Variants in THRB observed in about 807,000 individuals in gnomAD.
The protein encoded by THRB is nuclear receptor subfamily 1 group A member 2.
THRB carries 12 observed loss-of-function variants against 47.8 expected under a neutral mutation model. That is an observed-to-expected ratio of 0.25 (90% CI 0.16 to 0.41). The LOEUF (loss-of-function observed/expected upper bound fraction) is 0.41. THRB is among the 10% of genes least tolerant of loss of function. The probability of loss-of-function intolerance (pLI) is 1.00; values close to 1 mark genes in which losing one functional copy is unlikely to be tolerated. For synonymous variants in THRB, 218 were observed against 212.2 expected (o/e 1.03, Z -0.24); for missense variants, 348 against 589.2 (o/e 0.59, Z 4.24).
chr3:24,285,491 G>A (rs2055178733), intron 3 of THRB, among the ~76,000 whole-genome samples: 1 of 150,328 alleles, frequency 6.7e-6, no homozygotes, highest in African/African-American at 2.5e-5. Flanking sequence ...TAGAGGACGA[G>A]TTAGTGGGTG....
At chr3:24,213,529 A>G (rs2149891017) in intron 4 of THRB, among the ~76,000 whole-genome samples, 1 of 152,300 alleles carries the variant, frequency 6.6e-6, no homozygotes, top group East Asian at 1.9e-4. Context: ...GAGGGTAGAG[A>G]AGAACCACAT....
intron 1 of THRB, among the ~76,000 whole-genome samples, chr3:24,383,673 A>G (rs2065874751): frequency 1.3e-5 from 2 of 152,124 alleles, no homozygotes; most frequent in African/African-American, 4.8e-5. Context: ...TGACAACTCA[A>G]TTCAGTTCTA....
chr3:24,446,572 A>T (rs1168214093), intron 1 of THRB, among the ~76,000 whole-genome samples: 1 of 89,190 alleles, frequency 1.1e-5, no homozygotes, highest in African/African-American at 3.6e-5. Context: ...AAAAAAAAAA[A>T]AAAAGAAAGA....
chr3:24,133,715 G>GAGAGAC (rs2034226435), intron 8 of THRB, among the ~76,000 whole-genome samples: 1 of 151,896 alleles, frequency 6.6e-6, no homozygotes, highest in Non-Finnish European at 1.5e-5. Context: ...GAGAGAGAGA[G>GAGAGAC]AGAGAGATCA....
rs549708689 is a variant in THRB at position 24,217,508 on chromosome 3, C to T, written c.22+11430G>A. ...TTGGCAGGTAAGATGTTTGAAAGCA[C>T]GGGGTTCAAGGGACGTGTGTGTTGG... On this transcript the variant is annotated intron_variant, in intron 4 of 10. Transcript: ENST00000646209. Among the ~76,000 whole-genome samples, 14 of 150,486 alleles carry T rather than the reference C, an allele frequency of 9.3e-5. No homozygotes were observed. In the East Asian group the frequency reaches 1.4e-3, roughly 15 times the overall value.
At chr3:24,155,520 A>G (rs983331828) in intron 5 of THRB, among the ~76,000 whole-genome samples, 3 of 152,210 alleles carry the variant, frequency 2.0e-5, no homozygotes, top group Admixed American at 1.3e-4. Context: ...ATAATGTCCC[A>G]CACATAGTGA....
In THRB at chr3:24,389,981, G is replaced by A. The variant is rs562877224; in HGVS notation, c.-260-52610C>T. Among the ~76,000 whole-genome samples the A allele has an allele frequency of 6.6e-5, 10 of 152,250 alleles. No individual in the cohort carries two copies. The South Asian group carries it at 1.7e-3, about 25-fold the overall frequency. On this transcript the variant is annotated intron_variant, in intron 1 of 10. Transcript: ENST00000646209. ...CCAATGACAGTATAAAAATGTCTTC[G>A]TAGGTGTGACAGAGGGGACAATCTG...
chr3:24,434,921 T>G (rs1221531984), intron 1 of THRB, among the ~76,000 whole-genome samples: 3 of 152,178 alleles, frequency 2.0e-5, no homozygotes, highest in Non-Finnish European at 4.4e-5. Context: ...TTTTACTGTG[T>G]AGCATTCAGC....
chr3:24,338,557 C>A (rs2062419503), intron 1 of THRB, among the ~76,000 whole-genome samples: 1 of 152,148 alleles, frequency 6.6e-6, no homozygotes. Context: ...GGCTTTTCAC[C>A]CAATATCCAA....
intron 1 of THRB, among the ~76,000 whole-genome samples, chr3:24,391,748 C>T (rs148021003): frequency 6.6e-6 from 1 of 152,282 alleles, no homozygotes; most frequent in African/African-American, 2.4e-5. Flanking sequence ...TCTGTCCTCT[C>T]CTTTTCCCCC....
At chr3:24,325,880 C>T (rs1167169185) in intron 2 of THRB, among the ~76,000 whole-genome samples, 1 of 152,096 alleles carries the variant, frequency 6.6e-6, no homozygotes, top group Admixed American at 6.6e-5. Flanking sequence ...TACCAAATTG[C>T]CTTCAATAAT....
rs75876827 is a variant in THRB at position 24,397,298 on chromosome 3, C to T, written c.-260-59927G>A. Reference sequence around the variant, plus strand: ...TGAAGATTAGTTTGAAATAGACACCCCAGAGGGGCCCATCAAAACAAATTA... The same window carrying T: ...TGAAGATTAGTTTGAAATAGACACCTCAGAGGGGCCCATCAAAACAAATTA... On this transcript the variant is annotated intron_variant, in intron 1 of 10. Transcript: ENST00000646209. Among the ~76,000 whole-genome samples the T allele has an allele frequency of 8.7e-3, 1,331 of 152,154 alleles. 9 individuals are homozygous for T. The highest frequency in any genetic ancestry group is 0.013 in the Non-Finnish European group (856 of 67,976).
At chr3:24,181,578 G>A (rs770550872) in intron 5 of THRB, among the ~76,000 whole-genome samples, 1 of 152,222 alleles carries the variant, frequency 6.6e-6, no homozygotes, top group Non-Finnish European at 1.5e-5. Flanking sequence ...ACTCTTTGTA[G>A]TTTAAACCTA....
At chr3:24,472,676 C>A (rs1230552985) in intron 1 of THRB, among the ~76,000 whole-genome samples, 2 of 152,146 alleles carry the variant, frequency 1.3e-5, no homozygotes, top group Non-Finnish European at 2.9e-5. Flanking sequence ...ACCTGATAGT[C>A]ACTTACTGTA....
intron 2 of THRB, chr3:24,318,602 G>C (rs766549096): frequency 6.6e-6 from 1 of 152,234 alleles, no homozygotes; most frequent in Non-Finnish European, 1.5e-5. Flanking sequence ...AAAAGAGGGG[G>C]ACTGTGTCTA....
chr3:24,375,312 A>ATATATTTAGACATATAT (rs1560049623), intron 1 of THRB, among the ~76,000 whole-genome samples: 5 of 147,366 alleles, frequency 3.4e-5, no homozygotes, highest in Non-Finnish European at 4.5e-5. Flanking sequence ...TAATATTAAT[A>ATATATTTAGACATATAT]TATTATATTT....
chr3:24,294,589 T>C (rs1338515754), intron 3 of THRB, among the ~76,000 whole-genome samples: 1 of 152,210 alleles, frequency 6.6e-6, no homozygotes, highest in Non-Finnish European at 1.5e-5. Flanking sequence ...GGTCTTTGGA[T>C]GTGGCTGTGT....
At chr3:24,272,739 C>T (rs185037819) in intron 3 of THRB, among the ~76,000 whole-genome samples, 3 of 152,124 alleles carry the variant, frequency 2.0e-5, no homozygotes, top group Admixed American at 6.5e-5. Context: ...TTTCACCTAG[C>T]TGTAGTCACT....
chr3:24,468,529 T>C (rs529735806), intron 1 of THRB, among the ~76,000 whole-genome samples: 1 of 152,334 alleles, frequency 6.6e-6, no homozygotes, highest in South Asian at 2.1e-4. Flanking sequence ...GAGGCTATTG[T>C]AGGGTTACTA....
Sources: gnomAD v4.1 joint callset for allele counts (sites outside exome capture counted in the v4.1 genomes callset) on GRCh38, gnomAD v4.1.1 for gene constraint, MANE v1.5 for transcripts, NCBI Gene and HGNC (gene_info 2026-07-23, HGNC 2026-07-21) for gene names.